The following WWOX variants were observed in gnomAD, a reference collection of about 807,000 sequenced individuals.
The protein encoded by WWOX is WW domain-containing oxidoreductase.
A neutral mutation model predicts 46.2 loss-of-function variants in WWOX; 69 were observed. That is an observed-to-expected ratio of 1.49 (90% CI 1.23 to 1.82). WWOX has a LOEUF of 1.82. Ranked by LOEUF, WWOX falls within the 40% of genes most tolerant of loss-of-function variation. The pLI, the probability that WWOX is intolerant of heterozygous loss-of-function variation, is 0.00. For missense variants in WWOX, 919 were observed against 542.6 expected, an observed-to-expected ratio of 1.69 and a Z score of -6.89; for synonymous variants, 359 against 202.6, an observed-to-expected ratio of 1.77 and a Z score of -6.56.
chr16:78,738,130 A>T (rs1399106558), intron 8 of WWOX, among the ~76,000 whole-genome samples: 2 of 152,126 alleles, frequency 1.3e-5, no homozygotes, highest in Non-Finnish European at 2.9e-5. Flanking sequence ...CAGTTCAATT[A>T]GGTAAAGTGA....
chr16:78,569,922 A>G (rs1384226059), intron 8 of WWOX, among the ~76,000 whole-genome samples: 1 of 152,194 alleles, frequency 6.6e-6, no homozygotes. Flanking sequence ...CTCTTGTCAC[A>G]TGGTGCTCTT....
rs1288773172 is a variant in WWOX at position 78,922,257 on chromosome 16, G to C, written c.1057-289351G>C. Among the ~76,000 whole-genome samples, 3 of 152,110 alleles carry C rather than the reference G, an allele frequency of 2.0e-5. No individual in the cohort carries two copies. The East Asian group carries it at 5.8e-4, about 29-fold the overall frequency. On this transcript the variant is annotated intron_variant, in intron 8 of 8. Transcript: ENST00000566780. ...TAAGAATGGTTCATCTGCAACCTAAGGTTACATGGGTGTAGTTAGGCCCCA... is the reference window on the plus strand; with the variant it reads ...TAAGAATGGTTCATCTGCAACCTAACGTTACATGGGTGTAGTTAGGCCCCA...
rs1334509615 is a variant in WWOX at position 78,506,721 on chromosome 16, T to G, written c.1056+73969T>G. The stretch of plus-strand genomic sequence containing the variant: ...TTTTTTTTTTTTTTTTTTTTTTTTT[T>G]TTTTTTTGTACAGAGTCTTGCTCTG... On this transcript the variant is annotated intron_variant, in intron 8 of 8. Coordinates refer to ENST00000566780, the MANE Select transcript of WWOX (RefSeq NM_016373.4). 1.7e-4 allele frequency among the ~76,000 whole-genome samples: 13 copies of G among 78,608 alleles called. 2 individuals are homozygous for G. The highest frequency in any genetic ancestry group is 5.8e-4 in the African/African-American group (13 of 22,394). The allele number at this position is 78,608 out of a possible 152,430, so 51.6% of individuals were successfully genotyped here. A position where few individuals can be genotyped will look rare whatever the true frequency, so the allele number is the denominator to read the frequency against.
chr16:79,177,799 GC>G (rs1567600413), intron 8 of WWOX, among the ~76,000 whole-genome samples: 2 of 152,202 alleles, frequency 1.3e-5, no homozygotes, highest in Non-Finnish European at 2.9e-5. Flanking sequence ...GGACCATAGG[GC>G]CTGTGTCAAA....
chr16:78,552,374 A>T (rs2151544694), intron 8 of WWOX: 1 of 152,366 alleles, frequency 6.6e-6, no homozygotes, highest in Middle Eastern at 3.4e-3. Context: ...CTTAATGAAT[A>T]AAAGCACTGA....
intron 5 of WWOX, among the ~76,000 whole-genome samples, chr16:78,369,531 C>T (rs985190543): frequency 2.6e-5 from 4 of 152,136 alleles, no homozygotes; most frequent in South Asian, 2.1e-4. Context: ...GCAGCTCACT[C>T]GGCCTGCGCT....
intron 8 of WWOX, among the ~76,000 whole-genome samples, chr16:78,951,603 C>G (rs990516063): frequency 1.3e-5 from 2 of 152,166 alleles, no homozygotes; most frequent in African/African-American, 2.4e-5. Context: ...CTATACTGCT[C>G]CATCAATACC....
chr16:78,937,639 TTATG>T (rs1196918976), intron 8 of WWOX, among the ~76,000 whole-genome samples: 1 of 148,014 alleles, frequency 6.8e-6, no homozygotes, highest in African/African-American at 2.5e-5. Flanking sequence ...ATTTATTTAT[TTATG>T]AGACAAGGTC....
chr16:79,211,134 C>G (rs2051728250), intron 8 of WWOX, among the ~76,000 whole-genome samples: 1 of 151,920 alleles, frequency 6.6e-6, no homozygotes, highest in South Asian at 2.1e-4. Context: ...GATGATCTGG[C>G]AGCAGCCCCA....
intron 8 of WWOX, among the ~76,000 whole-genome samples, chr16:78,748,611 C>T (rs542337813): frequency 1.3e-5 from 2 of 152,286 alleles, no homozygotes; most frequent in African/African-American, 4.8e-5. Flanking sequence ...AACTGGTTAG[C>T]AGATGGCAGC....
intron 3 of WWOX, 137 bp from the exon 4 acceptor site, chr16:78,114,839 G>T: frequency 1.9e-6 from 2 of 1,054,240 alleles, no homozygotes; most frequent in Non-Finnish European, 2.8e-6. Flanking sequence ...AGATTCAGTG[G>T]GCCCCAGTTC....
chr16:78,229,006 C>T (rs1474719511), intron 5 of WWOX, among the ~76,000 whole-genome samples: 1 of 152,102 alleles, frequency 6.6e-6, no homozygotes, highest in Non-Finnish European at 1.5e-5. Context: ...TGTTTGTTAT[C>T]CTGAATTATG....
chr16:78,327,589 A>C (rs1020565550), intron 5 of WWOX, among the ~76,000 whole-genome samples: 2 of 151,726 alleles, frequency 1.3e-5, no homozygotes, highest in Non-Finnish European at 2.9e-5. Context: ...CTTCACTCCA[A>C]CTCCCACTGG....
intron 8 of WWOX, among the ~76,000 whole-genome samples, chr16:78,894,240 G>A (rs1474705471): frequency 1.3e-5 from 2 of 151,872 alleles, no homozygotes; most frequent in African/African-American, 2.4e-5. Flanking sequence ...AGCCTTGATC[G>A]TTTAGTTTTA....
chr16:78,710,498 A>ATATATATATATATATATATATTTTTT (rs941311575), intron 8 of WWOX, among the ~76,000 whole-genome samples: 4 of 132,826 alleles, frequency 3.0e-5, no homozygotes, highest in African/African-American at 1.1e-4. Flanking sequence ...ATATATATAT[A>ATATATATATATATATATATATTTTTT]TTTATATAAA....
intron 8 of WWOX, among the ~76,000 whole-genome samples, chr16:78,642,461 C>T (rs76732315): frequency 0.056 from 8,562 of 152,134 alleles, 324 homozygotes; most frequent in South Asian, 0.16. Context: ...TGGAATCTGT[C>T]GACTTTACTG....
intron 8 of WWOX, among the ~76,000 whole-genome samples, chr16:79,022,005 G>T (rs138749317): frequency 6.6e-6 from 1 of 152,182 alleles, no homozygotes; most frequent in African/African-American, 2.4e-5. Flanking sequence ...TAAATGATAG[G>T]GATTGATATT....
intron 8 of WWOX, among the ~76,000 whole-genome samples, chr16:79,160,677 C>T (rs1421286753): frequency 6.6e-6 from 1 of 152,156 alleles, no homozygotes; most frequent in Non-Finnish European, 1.5e-5. Context: ...GATCACGTCC[C>T]ATACAATCTT....
intron 8 of WWOX, among the ~76,000 whole-genome samples, chr16:78,801,557 C>G (rs1241714779): frequency 1.3e-5 from 2 of 152,128 alleles, no homozygotes; most frequent in Non-Finnish European, 2.9e-5. Context: ...GGATATTTAT[C>G]CTTCTAGCAT....
Sources: allele counts gnomAD v4.1 joint callset (sites outside exome capture counted in the v4.1 genomes callset), GRCh38; gene constraint gnomAD v4.1.1; transcripts MANE v1.5; gene names NCBI Gene and HGNC (gene_info 2026-07-23, HGNC 2026-07-21).